Variants in SLC23A2 observed in about 807,000 individuals in gnomAD.
SLC23A2 encodes solute carrier family 23 member 2.
In SLC23A2, 36 loss-of-function variants were observed where a neutral mutation model predicts 73.3. The ratio of observed to expected loss-of-function variants is 0.49; its 90% CI spans 0.38 to 0.65. The LOEUF (loss-of-function observed/expected upper bound fraction) is 0.65. Ranked by LOEUF, SLC23A2 falls within the 30% of genes least tolerant of loss-of-function variation. The pLI is 0.00. For synonymous variants in SLC23A2, 343 were observed against 327.3 expected (o/e 1.05, Z -0.52); for missense variants, 507 against 841.6 (o/e 0.60, Z 4.92).
chr20:4,947,646 CTGGAGCACAGAGAGGT>C lies in SLC23A2; in HGVS notation c.-154-14946_-154-14931del, dbSNP rs914048599. Reference sequence around the variant, plus strand: ...TTCTCTCCATTTCACAGATGAGAAACTGGAGCACAGAGAGGTTGATTTATCTCTGCAAAAAAGCTCA... The same window carrying C: ...TTCTCTCCATTTCACAGATGAGAAACTGATTTATCTCTGCAAAAAAGCTCA... On this transcript the variant is annotated intron_variant, in intron 2 of 16. Coordinates refer to ENST00000338244, the MANE Select transcript of SLC23A2 (RefSeq NM_005116.6). The surrounding 1 kb of genome is among the most constrained non-coding windows in gnomAD (Gnocchi z 4.4). 3.3e-4 allele frequency among the ~76,000 whole-genome samples: 51 copies of C among 152,282 alleles called. No homozygotes were observed. The highest frequency in any genetic ancestry group is 1.0e-3 in the African/African-American group (42 of 41,560).
chr20:4,889,218 A>G (rs1931223489), intron 6 of SLC23A2, among the ~76,000 whole-genome samples: 1 of 152,174 alleles, frequency 6.6e-6, no homozygotes, highest in South Asian at 2.1e-4. Context: ...AAGAACGAGA[A>G]GTGCTTCGCC....
At chr20:4,916,954 G>A (rs1477341576) in intron 3 of SLC23A2, among the ~76,000 whole-genome samples, 7 of 152,036 alleles carry the variant, frequency 4.6e-5, no homozygotes, top group Non-Finnish European at 1.0e-4. Flanking sequence ...GCATTTTAGG[G>A]GTGTAACTCT....
intron 3 of SLC23A2, among the ~76,000 whole-genome samples, chr20:4,922,921 T>C (rs552217111): frequency 6.6e-6 from 1 of 152,194 alleles, no homozygotes; most frequent in East Asian, 1.9e-4. Flanking sequence ...TAAGAGACTG[T>C]AGCAAGAACC....
At chr20:4,987,735 C>T (rs1418638998) in intron 1 of SLC23A2, among the ~76,000 whole-genome samples, 1 of 151,860 alleles carries the variant, frequency 6.6e-6, no homozygotes, top group East Asian at 1.9e-4. Context: ...GTAGTCCCAG[C>T]TACTCGGGAG....
intron 1 of SLC23A2, among the ~76,000 whole-genome samples, chr20:4,996,908 G>A (rs2088032630): frequency 6.6e-6 from 1 of 152,038 alleles, no homozygotes; most frequent in South Asian, 2.1e-4. Flanking sequence ...CATTGAGGAT[G>A]ACCTTCCCCA....
intron 3 of SLC23A2, among the ~76,000 whole-genome samples, chr20:4,917,450 G>C (rs1478220935): frequency 6.6e-6 from 1 of 152,146 alleles, no homozygotes; most frequent in Non-Finnish European, 1.5e-5. Flanking sequence ...CGGGAGTAAA[G>C]TGTCCAGGCT....
intron 2 of SLC23A2, among the ~76,000 whole-genome samples, chr20:4,949,287 CAAA>C (rs570455717): frequency 6.9e-5 from 4 of 57,932 alleles, no homozygotes; most frequent in Non-Finnish European, 1.1e-4. Context: ...GACTCCATCT[CAAA>C]AAAAAAAAAA....
At position 4,912,231 on chromosome 20, in the gene SLC23A2, C is replaced by A. The variant is rs1932182201; in HGVS notation, c.207+649G>T. On this transcript the variant is annotated intron_variant, in intron 4 of 16. Coordinates refer to ENST00000338244, the MANE Select transcript of SLC23A2 (RefSeq NM_005116.6). The stretch of plus-strand genomic sequence containing the variant: ...AGATGGAACGAGGCACAGAGCAAAA[C>A]AAAAATAAACAAAAAAACCACAAAC... Among the ~76,000 whole-genome samples, 3 of 151,860 alleles carry A rather than the reference C, an allele frequency of 2.0e-5. No individual in the cohort carries two copies. In the South Asian group the frequency reaches 6.3e-4, roughly 32 times the overall value.
chr20:4,971,995 G>C (rs779782525), intron 1 of SLC23A2, among the ~76,000 whole-genome samples: 9 of 152,158 alleles, frequency 5.9e-5, no homozygotes, highest in Non-Finnish European at 1.2e-4. Context: ...ACTGGGATAT[G>C]AGCAGGTACA....
At chr20:4,894,016 AC>A (rs2122853409) in intron 6 of SLC23A2, among the ~76,000 whole-genome samples, 1 of 152,204 alleles carries the variant, frequency 6.6e-6, no homozygotes, top group African/African-American at 2.4e-5. Flanking sequence ...CAAAAGAATG[AC>A]GGCTGCAGGC....
rs549863740 is a variant in SLC23A2 at position 4,866,668 on chromosome 20, G to A, written c.1356+1102C>T. Among the ~76,000 whole-genome samples, 6 of 152,344 alleles carry A rather than the reference G, an allele frequency of 3.9e-5. No homozygotes were observed. In the South Asian group the frequency reaches 1.0e-3, roughly 26 times the overall value. On this transcript the variant is annotated intron_variant, in intron 13 of 16. Coordinates refer to ENST00000338244, the MANE Select transcript of SLC23A2 (RefSeq NM_005116.6). Reference sequence around the variant, plus strand: ...AAACCAACAAACAAACCAGGCATGTGTGTGCCTGCCTGGCAGCTCCCTCTC... The same window carrying A: ...AAACCAACAAACAAACCAGGCATGTATGTGCCTGCCTGGCAGCTCCCTCTC...
At chr20:4,927,482 G>A (rs1234618655) in intron 3 of SLC23A2, among the ~76,000 whole-genome samples, 1 of 152,140 alleles carries the variant, frequency 6.6e-6, no homozygotes, top group Non-Finnish European at 1.5e-5. Context: ...ACCCACATGA[G>A]CCATCACAGT....
At position 4,899,115 on chromosome 20, in the gene SLC23A2, A is replaced by C. The variant is rs1422274899; in HGVS notation, c.482+440T>G. Among the ~76,000 whole-genome samples the C allele has an allele frequency of 1.3e-5, 2 of 152,310 alleles. No individual in the cohort carries two copies. Among genetic ancestry groups the C allele is most frequent in the Middle Eastern group, 3.4e-3 (1 of 294 alleles). The stretch of plus-strand genomic sequence containing the variant: ...GTGTGTAAAAAGGGAGGAGAGCTGC[A>C]GTGTGGCTCACCCTGAGGAGGGTGT... On this transcript the variant is annotated intron_variant, in intron 6 of 16. Transcript: ENST00000338244. This position sits in a 1 kb window ranked among gnomAD's most constrained non-coding sequence, Gnocchi z 4.9.
At chr20:4,894,713 C>T (rs571619344) in intron 6 of SLC23A2, among the ~76,000 whole-genome samples, 1 of 152,162 alleles carries the variant, frequency 6.6e-6, no homozygotes, top group South Asian at 2.1e-4. Context: ...CAGGCCCTCC[C>T]TTTCGTCTGC....
rs904917840 is a variant in SLC23A2 at position 4,983,379 on chromosome 20, G to A, written c.-281-12460C>T. Among the ~76,000 whole-genome samples, 10 of 152,164 alleles carry A rather than the reference G, an allele frequency of 6.6e-5. No individual in the cohort carries two copies. The South Asian group carries it at 1.0e-3, about 16-fold the overall frequency. The stretch of plus-strand genomic sequence containing the variant: ...AGACACAAGCAGGCTGGGCGCAGTG[G>A]CTCACGCCTGTAATCCCAGCACTTC... On this transcript the variant is annotated intron_variant, in intron 1 of 16. Coordinates refer to ENST00000338244, the MANE Select transcript of SLC23A2 (RefSeq NM_005116.6).
intron 4 of SLC23A2, among the ~76,000 whole-genome samples, chr20:4,911,134 A>G (rs748436487): frequency 6.6e-6 from 1 of 152,176 alleles, no homozygotes; most frequent in Non-Finnish European, 1.5e-5. Context: ...TACAAGATGG[A>G]CCGTGTGAAA....
rs576118873 is a variant in SLC23A2 at position 4,881,014 on chromosome 20, G to C, written c.824+2628C>G. ...GCAGTGAAGGCCTGCAAAAGAGAAC[G>C]GGTTCAGAATTTGTTCCGGAGGAGG... On this transcript the variant is annotated intron_variant, in intron 9 of 16. Coordinates refer to ENST00000338244, the MANE Select transcript of SLC23A2 (RefSeq NM_005116.6). Among the ~76,000 whole-genome samples, 40 of 152,320 alleles carry C rather than the reference G, an allele frequency of 2.6e-4. 1 individual carries two copies. The South Asian group carries it at 8.1e-3, about 31-fold the overall frequency.
chr20:4,897,051 G>T (rs1174326407), intron 6 of SLC23A2, among the ~76,000 whole-genome samples: 3 of 152,192 alleles, frequency 2.0e-5, no homozygotes, highest in East Asian at 3.9e-4. Flanking sequence ...GTGTCTCCCT[G>T]ATGGCGCTGC....
intron 4 of SLC23A2, among the ~76,000 whole-genome samples, chr20:4,912,025 T>G (rs1932171774): frequency 7.6e-6 from 1 of 132,298 alleles, no homozygotes; most frequent in African/African-American, 2.8e-5. Context: ...TTTTTTTTTT[T>G]GTAGAGACAG....
Sources: allele counts gnomAD v4.1 joint callset (sites outside exome capture counted in the v4.1 genomes callset), GRCh38; gene constraint gnomAD v4.1.1; non-coding constraint Gnocchi (gnomAD v3.1); transcripts MANE v1.5; gene names NCBI Gene and HGNC (gene_info 2026-07-23, HGNC 2026-07-21).